Variants in CPNE9 observed in about 807,000 individuals in gnomAD.
The protein encoded by CPNE9 is copine-9.
CPNE9 carries 59 observed loss-of-function variants against 83.0 expected under a neutral mutation model. The observed-to-expected ratio is 0.71, with a 90% CI of 0.58 to 0.88. CPNE9 has a LOEUF of 0.88. CPNE9 is among the 40% of genes least tolerant of loss of function. The probability of loss-of-function intolerance (pLI) is 0.00; values close to 1 mark genes in which losing one functional copy is unlikely to be tolerated. For missense variants in CPNE9, 619 were observed against 720.8 expected (o/e 0.86, Z 1.62); for synonymous variants, 256 against 273.4 (o/e 0.94, Z 0.63).
At chr3:9,716,332 T>A (rs2076683575) in intron 14 of CPNE9, among the ~76,000 whole-genome samples, 1 of 152,150 alleles carries the variant, frequency 6.6e-6, no homozygotes, top group Admixed American at 6.5e-5. Context: ...AAAGTTATAG[T>A]CAGGCAAGAG....
chr3:9,728,133 T>C (rs1352353020), intron 20 of CPNE9, among the ~76,000 whole-genome samples: 1 of 152,152 alleles, frequency 6.6e-6, no homozygotes, highest in Non-Finnish European at 1.5e-5. Context: ...GAAGTATCTG[T>C]GACAATTGAA....
chr3:9,727,014 G>A (rs1314901048), intron 19 of CPNE9, 99 bp from the exon 20 acceptor site: 7 of 1,199,130 alleles, frequency 5.8e-6, no homozygotes, highest in East Asian at 2.3e-5. Flanking sequence ...CAAGCATTAG[G>A]CATTCTCCTG....
In CPNE9 at chr3:9,709,582, C is replaced by T. The variant is rs552332000; in HGVS notation, c.378-2959C>T. Among the ~76,000 whole-genome samples, 11 of 151,302 alleles carry T rather than the reference C, an allele frequency of 7.3e-5. No individual in the cohort carries two copies. In the South Asian group the frequency reaches 1.3e-3, roughly 18 times the overall value. On this transcript the variant is annotated intron_variant, in intron 7 of 20. Coordinates refer to ENST00000383832, the MANE Select transcript of CPNE9 (RefSeq NM_153635.3). ...ACGGGGTTTCGCCACCGTGGCCAGG[C>T]TGGTCTTGAACGCCTTACCTCGTGA...
intron 7 of CPNE9, among the ~76,000 whole-genome samples, chr3:9,707,791 C>CAAAAA (rs57310594): frequency 2.0e-5 from 1 of 49,674 alleles, no homozygotes; most frequent in Admixed American, 2.3e-4. Flanking sequence ...ACAAAAAAGA[C>CAAAAA]AAAAAAAAAA....
chr3:9,705,413 A>ACCCACAACCCCCCCCCCCC, intron 4 of CPNE9, 51 bp from the exon 5 acceptor site: 1 of 780,126 alleles, frequency 1.3e-6, no homozygotes, highest in Non-Finnish European at 2.1e-6. Context: ...ACCCCTTTCC[A>ACCCACAACCCCCCCCCCCC]CCCTCTCCCC....
chr3:9,721,923 GTT>G (rs570054741), intron 17 of CPNE9, among the ~76,000 whole-genome samples: 2 of 144,572 alleles, frequency 1.4e-5, no homozygotes, highest in Non-Finnish European at 1.5e-5. Context: ...TTTGTTTTTA[GTT>G]TTTTTTTTTT....
At chr3:9,721,509 A>T (rs1385217251) in intron 17 of CPNE9, among the ~76,000 whole-genome samples, 1 of 152,200 alleles carries the variant, frequency 6.6e-6, no homozygotes, top group Non-Finnish European at 1.5e-5. Flanking sequence ...TTAGAGGAGC[A>T]GACAGCCCAT....
chr3:9,717,654 G>A (rs2076695918), intron 15 of CPNE9, among the ~76,000 whole-genome samples: 1 of 151,724 alleles, frequency 6.6e-6, no homozygotes. Flanking sequence ...AAGAAAAATG[G>A]CAAGTAGACA....
chr3:9,726,717 T>G lies in CPNE9; in HGVS notation c.1397T>G (p.Phe466Cys). 6.2e-7 allele frequency: 1 copy of G among 1,613,872 alleles called. No individual in the cohort carries two copies. The highest frequency in any genetic ancestry group is 8.5e-7 in the Non-Finnish European group (1 of 1,179,798). Residue 466 changes from phenylalanine to cysteine, a missense_variant, in exon 19 of 21, where the codon TTT becomes TGT. Physicochemically the swap from Phe to Cys is radical, Grantham distance 205 (BLOSUM62 -2). Transcript: ENST00000383832. ...IIIVGVGPAM[F>C]EAMEELDGDD... is the part of the protein sequence containing the mutation. ...ATCGTCGGTGTAGGACCAGCCATGT[T>G]TGAGGGTGAGTAGGAAGGGGTGTCC...
At position 9,714,658 on chromosome 3, in the gene CPNE9, AAAAAAAAAAAC is replaced by A. The variant is rs1393075543; in HGVS notation, c.651-255_651-245del. Among the ~76,000 whole-genome samples the A allele has an allele frequency of 6.3e-4, 66 of 104,824 alleles. 2 individuals are homozygous for A. The East Asian group carries it at 0.015, about 24-fold the overall frequency. The allele number at this position is 104,824 out of a possible 152,430, so 68.8% of individuals were successfully genotyped here. The stretch of plus-strand genomic sequence containing the variant: ...AAGTGGTAAAAAAAAAAAAAAAAAA[AAAAAAAAAAAC>A]CAACCAAACAAACAAAAAAAGTATT... On this transcript the variant is annotated intron_variant, in intron 10 of 20. Coordinates refer to ENST00000383832, the MANE Select transcript of CPNE9 (RefSeq NM_153635.3).
At chr3:9,720,919 G>A (rs535478482) in intron 17 of CPNE9, among the ~76,000 whole-genome samples, 11 of 152,220 alleles carry the variant, frequency 7.2e-5, no homozygotes, top group South Asian at 6.2e-4. Flanking sequence ...ACCTCTCTGC[G>A]CCTTATTCCT....
Position 9,729,743 on chromosome 3 carries a change from C to T in CPNE9, c.*51C>T, listed in dbSNP as rs2076813100. ...AGTCTGCAAGCCTGCTCACCCACTGCTTCTGCTTTAAGCCAGAGGCACCTG... is the reference window on the plus strand; with the variant it reads ...AGTCTGCAAGCCTGCTCACCCACTGTTTCTGCTTTAAGCCAGAGGCACCTG... On this transcript the variant is annotated 3_prime_UTR_variant, in exon 21 of 21. Transcript: ENST00000383832. 6.4e-7 allele frequency: 1 copy of T among 1,554,286 alleles called. No homozygotes were observed. Among genetic ancestry groups the T allele is most frequent in the South Asian group, 1.2e-5 (1 of 84,470 alleles).
intron 17 of CPNE9, among the ~76,000 whole-genome samples, chr3:9,722,098 G>A (rs2076739186): frequency 6.6e-6 from 1 of 151,508 alleles, no homozygotes; most frequent in South Asian, 2.1e-4. Flanking sequence ...TTGTATTCTA[G>A]AAGAGACGGA....
intron 7 of CPNE9, among the ~76,000 whole-genome samples, chr3:9,712,264 C>G (rs1008815273): frequency 6.6e-6 from 1 of 152,222 alleles, no homozygotes; most frequent in Non-Finnish European, 1.5e-5. Flanking sequence ...CAGGGTCACA[C>G]AGCTTAACAA....
chr3:9,715,166 C>T lies in CPNE9; in HGVS notation c.693-123C>T, dbSNP rs2076669547. 7.0e-6 allele frequency: 8 copies of T among 1,143,790 alleles called. No individual in the cohort carries two copies. In the South Asian group the frequency reaches 1.1e-4, roughly 16 times the overall value. 70.9% of individuals were successfully genotyped at this position (1,143,790 alleles called of 1,614,324 possible). Reference sequence around the variant, plus strand: ...CCCCTATGTTTGGCCTCCCTTATGGCCCCAGCACTAGGCTGCCCTGCAGCC... The same window carrying T: ...CCCCTATGTTTGGCCTCCCTTATGGTCCCAGCACTAGGCTGCCCTGCAGCC... On this transcript the variant is annotated intron_variant, in intron 11 of 20. Coordinates refer to ENST00000383832, the MANE Select transcript of CPNE9 (RefSeq NM_153635.3).
At chr3:9,724,806 G>C (rs539280131) in intron 17 of CPNE9, among the ~76,000 whole-genome samples, 1 of 152,110 alleles carries the variant, frequency 6.6e-6, no homozygotes, top group Non-Finnish European at 1.5e-5. Context: ...ACCCAGGCTG[G>C]AATGCAGTGG....
intron 6 of CPNE9, 64 bp downstream of exon 6, chr3:9,705,784 G>C (rs897294172): frequency 2.6e-6 from 4 of 1,558,614 alleles, no homozygotes; most frequent in African/African-American, 1.4e-5. Context: ...AACAGGCTTG[G>C]ACTGATGACC....
rs1249270923 is a variant in CPNE9, at chr3:9,704,027, G to T, written c.31G>T (p.Val11Phe). Reference protein sequence around the residue: MSLGGASERSVPATKIEITVS... With the variant: MSLGGASERSFPATKIEITVS... ...TCTCGGCGGAGCCTCCGAGCGCAGC[G>T]TCCCGGCCACCAAGATTGAAATTAC... Residue 11 changes from valine (V) to phenylalanine (F), a missense_variant, in exon 1 of 21, where the codon GTC (valine) becomes TTC (phenylalanine). Physicochemically the swap from Val to Phe is conservative, Grantham distance 50. Around this residue, in one of 3 missense-constraint regions of CPNE9, gnomAD observed 130 missense variants for 117.5 expected, o/e 1.11. Transcript: ENST00000383832. This position sits in a 1 kb window ranked among gnomAD's most constrained non-coding sequence, Gnocchi z 7.1. The T allele has an allele frequency of 1.2e-6, 2 of 1,608,298 alleles. No homozygotes were observed. The highest frequency in any genetic ancestry group is 2.2e-5 in the South Asian group (2 of 90,182).
chr3:9,723,580 G>T (rs2076752036), intron 17 of CPNE9, among the ~76,000 whole-genome samples: 1 of 152,068 alleles, frequency 6.6e-6, no homozygotes, highest in Admixed American at 6.6e-5. Flanking sequence ...TTTTATTTCA[G>T]TTGGGGTCTT....
Sources: allele counts gnomAD v4.1 joint callset (sites outside exome capture counted in the v4.1 genomes callset), GRCh38; gene constraint gnomAD v4.1.1; regional missense constraint gnomAD v4.1.1; non-coding constraint Gnocchi (gnomAD v3.1); transcripts MANE v1.5; gene names NCBI Gene and HGNC (gene_info 2026-07-23, HGNC 2026-07-21).